The following CHSY1 variants were observed in gnomAD, a reference collection of about 807,000 sequenced individuals.
The protein encoded by CHSY1 is N-acetylgalactosaminyl-proteoglycan 3-beta-glucuronosyltransferase 1.
A neutral mutation model predicts 59.8 loss-of-function variants in CHSY1; 13 were observed. That is an observed-to-expected ratio of 0.22 (90% CI 0.14 to 0.35). The LOEUF (loss-of-function observed/expected upper bound fraction) is 0.35, where lower values mean the gene tolerates loss of function less well. Ranked by LOEUF, CHSY1 falls within the 10% of genes least tolerant of loss-of-function variation. The pLI is 1.00. For synonymous variants in CHSY1, 459 were observed against 401.2 expected (o/e 1.14, Z -1.72); for missense variants, 947 against 1,030.6 (o/e 0.92, Z 1.11).
At chr15:101,195,998 C>T (rs2038502920) in intron 2 of CHSY1, among the ~76,000 whole-genome samples, 1 of 151,808 alleles carries the variant, frequency 6.6e-6, no homozygotes, top group Non-Finnish European at 1.5e-5. Context: ...CCTGTAATCC[C>T]AACACTTTGG....
rs1259866000 is a variant in CHSY1 at position 101,251,388 on chromosome 15, G to A, written c.69C>T (p.Ala23=). ...AAGCCCGGGGCAGGACGAGCCGCGA[G>A]GCCAGCACGAAGCCCAGGACGAGCC... ...LLGLVLGFVL[A]SRLVLPRASE... The change falls in exon 1 of 3, where the codon GCC becomes GCT. Residue 23 remains alanine (A), a synonymous_variant. Coordinates refer to ENST00000254190, the MANE Select transcript of CHSY1 (RefSeq NM_014918.5). 23 of 1,168,494 alleles carry A rather than the reference G, an allele frequency of 2.0e-5. No homozygotes were observed. The highest frequency in any genetic ancestry group is 3.2e-5 in the South Asian group (2 of 62,706). 72.4% of individuals were successfully genotyped at this position (1,168,494 alleles called of 1,614,324 possible). A position where few individuals can be genotyped will look rare whatever the true frequency, so the allele number is the denominator to read the frequency against.
intron 2 of CHSY1, among the ~76,000 whole-genome samples, chr15:101,222,987 C>T (rs997114867): frequency 2.0e-5 from 3 of 152,182 alleles, no homozygotes; most frequent in African/African-American, 7.2e-5. Context: ...CAGTGACTAA[C>T]AAATACTTTG....
chr15:101,234,957 T>C lies in CHSY1; in HGVS notation c.816+125A>G, dbSNP rs1394911752. On this transcript the variant is annotated intron_variant, in intron 2 of 2. Coordinates refer to ENST00000254190, the MANE Select transcript of CHSY1 (RefSeq NM_014918.5). ...TTTTTTTTTAATCTAAGGCTAAAAA[T>C]GTAGAATAATACCAACTTCAACCCT... is the stretch of plus-strand genomic sequence containing the variant. 3.1e-6 allele frequency: 4 copies of C among 1,276,442 alleles called. No individual in the cohort carries two copies. In the Admixed American group the frequency reaches 5.9e-5, roughly 19 times the overall value. 79.1% of individuals were successfully genotyped at this position (1,276,442 alleles called of 1,614,324 possible). A position where few individuals can be genotyped will look rare whatever the true frequency, so the allele number is the denominator to read the frequency against.
intron 2 of CHSY1, among the ~76,000 whole-genome samples, chr15:101,182,299 G>A (rs2038291105): frequency 1.3e-5 from 2 of 152,158 alleles, no homozygotes; most frequent in African/African-American, 2.4e-5. Context: ...GCTTTTGACT[G>A]CAATATGCAA....
At chr15:101,246,263 C>G (rs1327859061) in intron 1 of CHSY1, among the ~76,000 whole-genome samples, 2 of 151,944 alleles carry the variant, frequency 1.3e-5, no homozygotes, top group Non-Finnish European at 2.9e-5. Flanking sequence ...CCATCTTCAG[C>G]CCAGAGAGGG....
At chr15:101,195,946 A>C (rs1256529925) in intron 2 of CHSY1, among the ~76,000 whole-genome samples, 1 of 152,066 alleles carries the variant, frequency 6.6e-6, no homozygotes, top group Non-Finnish European at 1.5e-5. Flanking sequence ...TTATATATAA[A>C]TATTAAAAAT....
intron 2 of CHSY1, among the ~76,000 whole-genome samples, chr15:101,196,820 T>A (rs2038512459): frequency 6.6e-6 from 1 of 152,136 alleles, no homozygotes; most frequent in Non-Finnish European, 1.5e-5. Flanking sequence ...GCTCAGGAGC[T>A]CGAGGACAGC....
chr15:101,188,331 G>T (rs532878656), intron 2 of CHSY1: 2 of 300,052 alleles, frequency 6.7e-6, no homozygotes, highest in East Asian at 1.8e-4. Flanking sequence ...ATGCTTCCAG[G>T]TAGGCTCCAC....
intron 2 of CHSY1, among the ~76,000 whole-genome samples, chr15:101,221,168 C>T (rs1426999957): frequency 6.6e-6 from 1 of 152,192 alleles, no homozygotes; most frequent in East Asian, 1.9e-4. Context: ...CAGGGCCTGT[C>T]ACACGCAGGT....
In CHSY1 at chr15:101,235,527, C is replaced by A. The variant is rs1363921831; in HGVS notation, c.371G>T (p.Gly124Val). ...PGKVQFFSSE[G>V]SDTSVPIPVV... ...TGGAATTGGTACAGATGTGTCAGAACCCTCACTTGAGAAGAACTGAACTTT... is the reference window on the plus strand; with the variant it reads ...TGGAATTGGTACAGATGTGTCAGAAACCTCACTTGAGAAGAACTGAACTTT... The change falls in exon 2 of 3, where the codon GGT becomes GTT. Residue 124 changes from glycine to valine, a missense_variant. This residue lies in a region of CHSY1 where 232 missense variants were observed against 188.5 expected (regional missense o/e 1.23). Transcript: ENST00000254190. 1.9e-6 allele frequency: 3 copies of A among 1,613,568 alleles called. No homozygotes were observed. The highest frequency in any genetic ancestry group is 1.6e-4 in the Middle Eastern group (1 of 6,062).
At position 101,178,449 on chromosome 15, in the gene CHSY1, CCAGGATGTACT is replaced by C. The variant is rs2038227926; in HGVS notation, c.1337_1347del (p.Glu446GlyfsTer37). 6.2e-7 allele frequency: 1 copy of C among 1,614,092 alleles called. No homozygotes were observed. The highest frequency in any genetic ancestry group is 1.3e-5 in the African/African-American group (1 of 74,926). ...TGCTTTTTGTACAGAAGCAGCAGGTCCAGGATGTACTCAGCCCCATACATGGGGTTCACCCG... is the reference window on the plus strand; with the variant it reads ...TGCTTTTTGTACAGAAGCAGCAGGTCCAGCCCCATACATGGGGTTCACCCG... On this transcript the variant is annotated frameshift_variant, in exon 3 of 3. Coordinates refer to ENST00000254190, the MANE Select transcript of CHSY1 (RefSeq NM_014918.5). LOFTEE classifies it high-confidence loss of function.
intron 2 of CHSY1, among the ~76,000 whole-genome samples, chr15:101,222,408 C>A (rs1346023164): frequency 1.3e-5 from 2 of 152,204 alleles, no homozygotes; most frequent in Non-Finnish European, 2.9e-5. Context: ...CACAGCTTCA[C>A]CCCGCTTCTT....
At chr15:101,248,821 C>A (rs2039076454) in intron 1 of CHSY1, among the ~76,000 whole-genome samples, 1 of 152,154 alleles carries the variant, frequency 6.6e-6, no homozygotes, top group South Asian at 2.1e-4. Flanking sequence ...GAGTCTTGCT[C>A]TGCCCCCCAG....
At chr15:101,185,500 T>C (rs560391668) in intron 2 of CHSY1, among the ~76,000 whole-genome samples, 17 of 150,004 alleles carry the variant, frequency 1.1e-4, no homozygotes, top group Admixed American at 1.1e-3. Flanking sequence ...ACGCCCTCCA[T>C]GGAGCACCCT....
rs576461642 is a variant in CHSY1, at chr15:101,188,217, G to A, written c.817-9237C>T. 4.5e-4 allele frequency: 445 copies of A among 984,596 alleles called. 2 individuals are homozygous for A. The African/African-American group carries it at 7.5e-3, about 17-fold the overall frequency. The allele number at this position is 984,596 out of a possible 1,614,324, so 61.0% of individuals were successfully genotyped here. A position where few individuals can be genotyped will look rare whatever the true frequency, so the allele number is the denominator to read the frequency against. ...AGAGAAGTGGTTTTCTCACCCTTTTGTCCTGAAAAGTGGTTCAAAGAAAGT... is the reference window on the plus strand; with the variant it reads ...AGAGAAGTGGTTTTCTCACCCTTTTATCCTGAAAAGTGGTTCAAAGAAAGT... On this transcript the variant is annotated intron_variant, in intron 2 of 2. Transcript: ENST00000254190.
At chr15:101,222,139 A>G (rs892011775) in intron 2 of CHSY1, among the ~76,000 whole-genome samples, 1 of 152,236 alleles carries the variant, frequency 6.6e-6, no homozygotes, top group African/African-American at 2.4e-5. Flanking sequence ...CCTCACACAC[A>G]AAGACCTTTC....
chr15:101,246,719 T>C (rs960956313), intron 1 of CHSY1, among the ~76,000 whole-genome samples: 6 of 152,312 alleles, frequency 3.9e-5, no homozygotes, highest in Admixed American at 3.9e-4. Flanking sequence ...ATTTCTACCC[T>C]TTCTAGAATT....
At chr15:101,207,971 A>G (rs1336382843) in intron 2 of CHSY1, among the ~76,000 whole-genome samples, 3 of 152,246 alleles carry the variant, frequency 2.0e-5, no homozygotes, top group Non-Finnish European at 2.9e-5. Context: ...TGAGTCACAT[A>G]GGGAAGGCAC....
chr15:101,220,112 C>T (rs1248798524), intron 2 of CHSY1, among the ~76,000 whole-genome samples: 2 of 152,192 alleles, frequency 1.3e-5, no homozygotes, highest in Non-Finnish European at 2.9e-5. Flanking sequence ...AAATACCTGC[C>T]ATCCAAGTCA....
Sources: gnomAD v4.1 joint callset for allele counts (sites outside exome capture counted in the v4.1 genomes callset) on GRCh38, gnomAD v4.1.1 for gene constraint, gnomAD v4.1.1 regional missense constraint, MANE v1.5 for transcripts, NCBI Gene and HGNC (gene_info 2026-07-23, HGNC 2026-07-21) for gene names.